The following PDSS1 variants were observed in gnomAD, a reference collection of about 807,000 sequenced individuals.
PDSS1 encodes the protein all trans-polyprenyl-diphosphate synthase PDSS1.
PDSS1 carries 43 observed loss-of-function variants against 57.5 expected under a neutral mutation model. That is an observed-to-expected ratio of 0.75 (90% CI 0.59 to 0.96). The LOEUF (loss-of-function observed/expected upper bound fraction) is 0.96, where lower values mean the gene tolerates loss of function less well. PDSS1 is among the 50% of genes least tolerant of loss of function. The pLI is 0.00. For missense variants in PDSS1, 438 were observed against 527.8 expected (o/e 0.83, Z 1.67); for synonymous variants, 175 against 191.3 (o/e 0.91, Z 0.70).
At chr10:26,723,111 G>C (rs531396071) in intron 6 of PDSS1, among the ~76,000 whole-genome samples, 1 of 152,138 alleles carries the variant, frequency 6.6e-6, no homozygotes, top group South Asian at 2.1e-4. Context: ...AGAGACTAGA[G>C]CATCACTGAC....
chr10:26,712,322 GC>G (rs1835428283), intron 5 of PDSS1, among the ~76,000 whole-genome samples: 1 of 99,902 alleles, frequency 1.0e-5, no homozygotes, highest in South Asian at 2.6e-4. Flanking sequence ...TTTTCAGCCT[GC>G]CTTATGGAAA....
At chr10:26,723,317 G>A (rs566223595) in intron 6 of PDSS1, among the ~76,000 whole-genome samples, 74 of 152,310 alleles carry the variant, frequency 4.9e-4, no homozygotes, top group African/African-American at 1.5e-3. Context: ...AGGCACAAAG[G>A]AAGAATGAAC....
intron 10 of PDSS1, among the ~76,000 whole-genome samples, chr10:26,742,165 C>A (rs1378582312): frequency 6.6e-6 from 1 of 152,230 alleles, no homozygotes; most frequent in Non-Finnish European, 1.5e-5. Context: ...GCGTGTGCCA[C>A]CACGCCTGGC....
chr10:26,717,282 G>A (rs1390343996), intron 5 of PDSS1, among the ~76,000 whole-genome samples: 2 of 152,156 alleles, frequency 1.3e-5, no homozygotes, highest in Non-Finnish European at 2.9e-5. Flanking sequence ...CCAGGCTGGA[G>A]TACAGTGGTG....
intron 10 of PDSS1, among the ~76,000 whole-genome samples, chr10:26,736,864 T>TG (rs1268829237): frequency 6.6e-6 from 1 of 152,196 alleles, no homozygotes; most frequent in Non-Finnish European, 1.5e-5. Context: ...ATAATACATG[T>TG]GCCCAGTTTT....
At chr10:26,734,890 G>A (rs760073669) in intron 8 of PDSS1, among the ~76,000 whole-genome samples, 1 of 152,204 alleles carries the variant, frequency 6.6e-6, no homozygotes, top group Non-Finnish European at 1.5e-5. Context: ...TCACAGATGG[G>A]GGTCCGTTTC....
intron 11 of PDSS1, 77 bp from the exon 12 acceptor site, chr10:26,746,256 A>C: frequency 7.1e-7 from 1 of 1,411,306 alleles, no homozygotes; most frequent in Admixed American, 1.7e-5. Flanking sequence ...CTATGTGTTC[A>C]TTTATTATAG....
intron 4 of PDSS1, among the ~76,000 whole-genome samples, chr10:26,708,764 G>A (rs879738551): frequency 1.3e-5 from 2 of 152,084 alleles, no homozygotes; most frequent in Non-Finnish European, 2.9e-5. Flanking sequence ...AGGCTGCAGT[G>A]AGTTATGATC....
chr10:26,743,698 A>G (rs1836707254), intron 11 of PDSS1, among the ~76,000 whole-genome samples: 1 of 152,216 alleles, frequency 6.6e-6, no homozygotes, highest in Non-Finnish European at 1.5e-5. Context: ...GCAAAGTTCC[A>G]GCAATCCTAG....
chr10:26,723,763 T>C (rs1339929071), intron 6 of PDSS1, 43 bp from the exon 7 acceptor site: 4 of 1,355,964 alleles, frequency 2.9e-6, no homozygotes, highest in Non-Finnish European at 3.2e-6. Context: ...ACTGCTCTGA[T>C]GGATTTTTCA....
intron 7 of PDSS1, 35 bp from the exon 8 acceptor site, chr10:26,723,979 G>C: frequency 6.3e-7 from 1 of 1,590,446 alleles, no homozygotes; most frequent in South Asian, 1.1e-5. Flanking sequence ...AGGCAATAAA[G>C]CCACCTCTCA....
Position 26,731,872 on chromosome 10 carries a change from A to G in PDSS1, c.832-3368A>G, listed in dbSNP as rs573484438. ...AGTGGCACGATCTCGGCTCACTGCA[A>G]CCTCCGCCTCCCAGGTTCAAGCAAT... On this transcript the variant is annotated intron_variant, in intron 8 of 11. Transcript: ENST00000376215. Among the ~76,000 whole-genome samples the G allele has an allele frequency of 5.7e-4, 86 of 152,202 alleles. 1 individual carries two copies. Among genetic ancestry groups the G allele is most frequent in the African/African-American group, 2.0e-3 (83 of 41,514 alleles).
At chr10:26,736,437 A>G (rs1836405217) in intron 10 of PDSS1, among the ~76,000 whole-genome samples, 1 of 152,218 alleles carries the variant, frequency 6.6e-6, no homozygotes, top group Admixed American at 6.5e-5. Context: ...AAATTATAGT[A>G]ACTTTTGGTC....
intron 5 of PDSS1, among the ~76,000 whole-genome samples, chr10:26,713,569 T>G (rs955647551): frequency 6.6e-6 from 1 of 151,448 alleles, no homozygotes; most frequent in Non-Finnish European, 1.5e-5. Flanking sequence ...TTGGATTTTT[T>G]GGGGAAGGAT....
At chr10:26,717,450 T>C (rs1835625207) in intron 5 of PDSS1, among the ~76,000 whole-genome samples, 1 of 152,226 alleles carries the variant, frequency 6.6e-6, no homozygotes, top group Non-Finnish European at 1.5e-5. Context: ...CAGGCTGGTC[T>C]CGAACTCCTG....
intron 8 of PDSS1, among the ~76,000 whole-genome samples, chr10:26,726,464 TG>T (rs1306699618): frequency 1.3e-5 from 2 of 152,202 alleles, no homozygotes; most frequent in Non-Finnish European, 2.9e-5. Context: ...GGATTCAAAA[TG>T]GCTATTTTTA....
intron 6 of PDSS1, among the ~76,000 whole-genome samples, chr10:26,722,297 G>T (rs182474623): frequency 6.6e-6 from 1 of 152,276 alleles, no homozygotes; most frequent in Non-Finnish European, 1.5e-5. Context: ...TGATTAATTG[G>T]TAAACACAAT....
At chr10:26,704,048 C>G (rs1353474050) in intron 2 of PDSS1, among the ~76,000 whole-genome samples, 3 of 111,896 alleles carry the variant, frequency 2.7e-5, no homozygotes, top group Non-Finnish European at 5.2e-5. Flanking sequence ...CGCCACTGCA[C>G]TCCAGCCTGG....
intron 10 of PDSS1, among the ~76,000 whole-genome samples, chr10:26,741,902 G>A (rs887249327): frequency 1.3e-5 from 2 of 152,128 alleles, no homozygotes; most frequent in African/African-American, 2.4e-5. Context: ...TTGAGACGGA[G>A]TTTCACTCGT....
Sources: gnomAD v4.1 joint callset for allele counts (sites outside exome capture counted in the v4.1 genomes callset) on GRCh38, gnomAD v4.1.1 for gene constraint, MANE v1.5 for transcripts, NCBI Gene and HGNC (gene_info 2026-07-23, HGNC 2026-07-21) for gene names.